The following KLHL14 variants were observed in gnomAD, a reference collection of about 807,000 sequenced individuals.
KLHL14 encodes kelch-like protein 14.
In KLHL14, 22 loss-of-function variants were observed where a neutral mutation model predicts 64.3. That is an observed-to-expected ratio of 0.34 (90% CI 0.24 to 0.49). The LOEUF is 0.49. Ranked by LOEUF, KLHL14 falls within the 20% of genes least tolerant of loss-of-function variation. The pLI is 0.99. For synonymous variants in KLHL14, 322 were observed against 333.4 expected (o/e 0.97, Z 0.37); for missense variants, 661 against 789.0 (o/e 0.84, Z 1.94).
chr18:32,712,797 A>G (rs1204187863), intron 3 of KLHL14, among the ~76,000 whole-genome samples: 1 of 152,134 alleles, frequency 6.6e-6, no homozygotes, highest in East Asian at 1.9e-4. Context: ...AATGTTGTTA[A>G]ATTAACCTTC....
intron 3 of KLHL14, among the ~76,000 whole-genome samples, chr18:32,704,804 C>T (rs1251574255): frequency 6.6e-6 from 1 of 152,146 alleles, no homozygotes; most frequent in African/African-American, 2.4e-5. Context: ...GGTTATTATG[C>T]CAACCTCTGA....
At chr18:32,760,115 A>T (rs934153566) in intron 2 of KLHL14, among the ~76,000 whole-genome samples, 5 of 152,162 alleles carry the variant, frequency 3.3e-5, no homozygotes, top group African/African-American at 1.2e-4. Context: ...TTTTGTTCTA[A>T]GAAGTATTTA....
chr18:32,697,656 C>A (rs556061704), intron 3 of KLHL14, among the ~76,000 whole-genome samples: 1 of 152,218 alleles, frequency 6.6e-6, no homozygotes, highest in South Asian at 2.1e-4. Context: ...GTGTTTTGTT[C>A]TTGCCATTCA....
chr18:32,750,945 T>A (rs961172946), intron 2 of KLHL14, among the ~76,000 whole-genome samples: 2 of 152,238 alleles, frequency 1.3e-5, no homozygotes, highest in African/African-American at 4.8e-5. Flanking sequence ...CCCAATTACC[T>A]ATCTTATTAT....
chr18:32,711,709 C>A (rs907672846), intron 3 of KLHL14, among the ~76,000 whole-genome samples: 3 of 152,190 alleles, frequency 2.0e-5, no homozygotes, highest in African/African-American at 7.2e-5. Flanking sequence ...GACTCTTTTT[C>A]ACTGTTCCTC....
chr18:32,769,165 C>G (rs1194816631), intron 2 of KLHL14, among the ~76,000 whole-genome samples: 2 of 152,280 alleles, frequency 1.3e-5, no homozygotes, highest in South Asian at 2.1e-4. Context: ...ACCATGAAAG[C>G]CTTCCTTTGC....
chr18:32,690,884 T>G (rs978662223), intron 4 of KLHL14, among the ~76,000 whole-genome samples: 1 of 151,938 alleles, frequency 6.6e-6, no homozygotes, highest in Non-Finnish European at 1.5e-5. Flanking sequence ...TTAGGTTGAG[T>G]AGTAAATTGA....
rs1243786128 is a variant in KLHL14 at position 32,680,480 on chromosome 18, T to A, written c.1358A>T (p.Tyr453Phe). 1.2e-6 allele frequency: 2 copies of A among 1,614,032 alleles called. No individual in the cohort carries two copies. Among genetic ancestry groups the A allele is most frequent in the South Asian group, 2.2e-5 (2 of 91,090 alleles). The change falls in exon 6 of 9, where the codon TAT becomes TTT. Residue 453 changes from tyrosine (Y) to phenylalanine (F), a missense_variant. Physicochemically the swap from Tyr to Phe is conservative, Grantham distance 22. Transcript: ENST00000359358. This position sits in a 1 kb window ranked among gnomAD's most constrained non-coding sequence, Gnocchi z 4.8. Reference protein sequence around the residue: ...CYNLETNEWRYVSSLPQPLAA... With the variant: ...CYNLETNEWRFVSSLPQPLAA... ...CAGAGGCTGTGGCAAAGAGGACACA[T>A]AGCGCCATTCATTCGTTTCTAGGTT...
At chr18:32,772,174 C>G (rs1044596662) in intron 1 of KLHL14, 16 of 377,514 alleles carry the variant, frequency 4.2e-5, no homozygotes, top group Admixed American at 2.5e-4. Flanking sequence ...TCCCGGCGGA[C>G]CTGCCCCTTC....
chr18:32,727,159 A>C (rs917989928), intron 3 of KLHL14, among the ~76,000 whole-genome samples: 1 of 152,254 alleles, frequency 6.6e-6, no homozygotes, highest in South Asian at 2.1e-4. Context: ...AAAGGAACAA[A>C]AGCTGCTTCT....
In KLHL14 at chr18:32,680,648, T is replaced by C. The variant is rs1330029229; in HGVS notation, c.1239-49A>G. The C allele has an allele frequency of 6.5e-7, 1 of 1,528,232 alleles. No homozygotes were observed. The highest frequency in any genetic ancestry group is 1.2e-5 in the South Asian group (1 of 84,164). 94.7% of individuals were successfully genotyped at this position (1,528,232 alleles called of 1,614,324 possible). A position where few individuals can be genotyped will look rare whatever the true frequency, so the allele number is the denominator to read the frequency against. ...AAATCACAAGAGGAGCTGTGAAATG[T>C]TACCTTTCGAAATAAGATAAGCACC... On this transcript the variant is annotated intron_variant, in intron 5 of 8. Transcript: ENST00000359358. This position sits in a 1 kb window ranked among gnomAD's most constrained non-coding sequence, Gnocchi z 4.8.
At chr18:32,771,347 A>C (rs7229745) in intron 1 of KLHL14, among the ~76,000 whole-genome samples, 105,449 of 151,990 alleles carry the variant, frequency 0.69, 38,314 homozygotes, top group Non-Finnish European at 0.81. Context: ...GCTCAGTGGA[A>C]TCGGCAGAGG....
chr18:32,740,481 C>T (rs2050190531), intron 3 of KLHL14, among the ~76,000 whole-genome samples: 1 of 152,148 alleles, frequency 6.6e-6, no homozygotes, highest in Non-Finnish European at 1.5e-5. Context: ...TCTGTCATTT[C>T]TCTTTGAGAA....
At chr18:32,678,419 C>T (rs377093072) in intron 7 of KLHL14, among the ~76,000 whole-genome samples, 3 of 152,178 alleles carry the variant, frequency 2.0e-5, no homozygotes, top group South Asian at 2.1e-4. Context: ...CAGGTTATTT[C>T]GGTTACTAAC....
intron 3 of KLHL14, among the ~76,000 whole-genome samples, chr18:32,713,342 C>T (rs1002539051): frequency 6.6e-6 from 1 of 152,212 alleles, no homozygotes; most frequent in Non-Finnish European, 1.5e-5. Flanking sequence ...CCCCTTCCCA[C>T]CTAAGCCACT....
intron 2 of KLHL14, among the ~76,000 whole-genome samples, chr18:32,769,170 C>T (rs138366811): frequency 2.0e-3 from 300 of 152,248 alleles, no homozygotes; most frequent in Middle Eastern, 6.8e-3. Context: ...GAAAGCCTTC[C>T]TTTGCAAGCA....
Position 32,770,181 on chromosome 18 carries a change from C to G in KLHL14, c.411G>C (p.Leu137=), listed in dbSNP as rs759497143. The change falls in exon 2 of 9, where the codon CTG becomes CTC. Residue 137 remains leucine, a synonymous_variant. Transcript: ENST00000359358. This position sits in a 1 kb window ranked among gnomAD's most constrained non-coding sequence, Gnocchi z 6.7. ...LQGCSSIGLR[L]VLEYLYTANV... ...TGGCCGTGTAGAGGTACTCGAGCACCAGGCGCAGCCCGATGGACGAGCAGC... is the reference window on the plus strand; with the variant it reads ...TGGCCGTGTAGAGGTACTCGAGCACGAGGCGCAGCCCGATGGACGAGCAGC... 6.2e-7 allele frequency: 1 copy of G among 1,613,500 alleles called. No individual in the cohort carries two copies. Among genetic ancestry groups the G allele is most frequent in the Admixed American group, 1.7e-5 (1 of 60,016 alleles).
Position 32,751,988 on chromosome 18 carries a change from G to A in KLHL14, c.948-9939C>T, listed in dbSNP as rs1322963367. ...CTAAAAATACAAAAATTAGCTGGGG[G>A]TTGTGGCGTGTGCCTGTAATCCCAG... On this transcript the variant is annotated intron_variant, in intron 2 of 8. Transcript: ENST00000359358. Among the ~76,000 whole-genome samples the A allele has an allele frequency of 2.6e-5, 4 of 152,146 alleles. No individual in the cohort carries two copies. The East Asian group carries it at 5.8e-4, about 22-fold the overall frequency.
intron 7 of KLHL14, among the ~76,000 whole-genome samples, chr18:32,679,063 A>G (rs995294532): frequency 2.6e-5 from 4 of 152,182 alleles, no homozygotes; most frequent in African/African-American, 9.7e-5. Context: ...TAAAGAATAA[A>G]AAGGTAAGCA....
Sources: gnomAD v4.1 joint callset for allele counts (sites outside exome capture counted in the v4.1 genomes callset) on GRCh38, gnomAD v4.1.1 for gene constraint, Gnocchi (gnomAD v3.1) non-coding constraint, MANE v1.5 for transcripts, NCBI Gene and HGNC (gene_info 2026-07-23, HGNC 2026-07-21) for gene names.